The following SYTL5 variants were observed in gnomAD, a reference collection of about 807,000 sequenced individuals.
SYTL5 encodes the protein synaptotagmin-like protein 5.
In SYTL5, 34 loss-of-function variants were observed where a neutral mutation model predicts 55.9. The observed-to-expected ratio is 0.61, with a 90% CI of 0.46 to 0.81. The LOEUF is 0.81. SYTL5 is among the 30% of genes least tolerant of loss of function. The pLI is 0.00. For synonymous variants in SYTL5, 221 were observed against 188.7 expected, an observed-to-expected ratio of 1.17 and a Z score of -1.40; for missense variants, 637 against 546.7, an observed-to-expected ratio of 1.17 and a Z score of -1.65.
chrX:37,889,632 G>A, the SYTL5 span, among the ~76,000 whole-genome samples: 17 of 111,278 alleles, frequency 1.5e-4, no homozygotes, highest in East Asian at 3.1e-3. Flanking sequence ...ACATTGAAAA[G>A]CAAAGTAAAA....
chrX:37,926,118 T>C, the SYTL5 span, among the ~76,000 whole-genome samples: 1 of 111,935 alleles, frequency 8.9e-6, no homozygotes, highest in African/African-American at 3.2e-5. Flanking sequence ...TCTGGGTAGA[T>C]ACCCAGTAGT....
intron 1 of SYTL5, among the ~76,000 whole-genome samples, chrX:38,013,680 C>T (rs186726818): frequency 9.0e-6 from 1 of 111,473 alleles, no homozygotes; most frequent in African/African-American, 3.3e-5. Flanking sequence ...GTATTTTTTC[C>T]TGCTGCACCA....
the SYTL5 span, among the ~76,000 whole-genome samples, chrX:37,891,667 GTGTGTGTGTGTA>G: frequency 1.2e-3 from 129 of 110,964 alleles, no homozygotes; most frequent in African/African-American, 4.1e-3. Flanking sequence ...ACATACATAC[GTGTGTGTGTGTA>G]TGTGTGTATG....
chrX:38,073,366 C>G (rs926522040), intron 4 of SYTL5, among the ~76,000 whole-genome samples: 2 of 111,678 alleles, frequency 1.8e-5, no homozygotes, highest in Non-Finnish European at 3.8e-5. Flanking sequence ...CTCAGTAAAC[C>G]TCCCACAGAT....
At chrX:37,953,166 A>G in the SYTL5 span, among the ~76,000 whole-genome samples, 1 of 111,821 alleles carries the variant, frequency 8.9e-6, no homozygotes, top group Non-Finnish European at 1.9e-5. Context: ...AAGTGAAATT[A>G]TTTAGTATAA....
At chrX:37,913,076 C>T in the SYTL5 span, among the ~76,000 whole-genome samples, 1 of 111,723 alleles carries the variant, frequency 9.0e-6, no homozygotes, top group Non-Finnish European at 1.9e-5. Context: ...CCTTCTTCCT[C>T]CTGCTGTTAG....
chrX:37,907,864 ATTG>A, the SYTL5 span, among the ~76,000 whole-genome samples: 8 of 111,786 alleles, frequency 7.2e-5, no homozygotes, highest in African/African-American at 2.6e-4. Flanking sequence ...AAATCTATAT[ATTG>A]TTGTGAACTT....
chrX:38,098,443 T>C (rs1936993822), intron 9 of SYTL5, among the ~76,000 whole-genome samples: 1 of 111,150 alleles, frequency 9.0e-6, no homozygotes, highest in Non-Finnish European at 1.9e-5. Flanking sequence ...TGCATTAAAA[T>C]ATGTTCAGCA....
the SYTL5 span, among the ~76,000 whole-genome samples, chrX:37,930,390 A>C: frequency 8.9e-6 from 1 of 112,161 alleles, no homozygotes; most frequent in Non-Finnish European, 1.9e-5. Context: ...TACAACATCC[A>C]GAAGCTATCT....
chrX:38,118,920 A>AATATATATATATATATAT (rs61288420), intron 13 of SYTL5, among the ~76,000 whole-genome samples: 1 of 89,003 alleles, frequency 1.1e-5, no homozygotes, highest in African/African-American at 4.4e-5. Context: ...ATGCCCAGCT[A>AATATATATATATATATAT]ATATATATAT....
At chrX:38,027,778 C>A (rs187249020) in intron 1 of SYTL5, among the ~76,000 whole-genome samples, 1 of 110,226 alleles carries the variant, frequency 9.1e-6, no homozygotes, top group East Asian at 2.8e-4. Flanking sequence ...AAGCCAAGCC[C>A]AGCCATGGGT....
chrX:37,989,409 G>A, the SYTL5 span, among the ~76,000 whole-genome samples: 1 of 111,921 alleles, frequency 8.9e-6, no homozygotes, highest in Non-Finnish European at 1.9e-5. Flanking sequence ...TTTGACAGGA[G>A]GAAGCAGGCT....
chrX:37,926,170 G>A, the SYTL5 span, among the ~76,000 whole-genome samples: 1 of 111,600 alleles, frequency 9.0e-6, no homozygotes, highest in African/African-American at 3.3e-5. Context: ...TTTACTTTTA[G>A]TGCTTAGAGG....
intron 1 of SYTL5, among the ~76,000 whole-genome samples, chrX:38,013,402 T>C (rs887178146): frequency 2.7e-5 from 3 of 112,033 alleles, no homozygotes. Context: ...AATCTTTCAC[T>C]GCTTATACTG....
the SYTL5 span, among the ~76,000 whole-genome samples, chrX:37,926,355 T>C: frequency 9.0e-6 from 1 of 111,308 alleles, no homozygotes; most frequent in Non-Finnish European, 1.9e-5. Flanking sequence ...AAGTTCCTTA[T>C]GTATTCTAGT....
chrX:38,071,379 G>A (rs1936259139), intron 3 of SYTL5, among the ~76,000 whole-genome samples: 1 of 111,155 alleles, frequency 9.0e-6, no homozygotes, highest in East Asian at 2.8e-4. Context: ...CCAAATCCAG[G>A]CAAGCACTTC....
chrX:37,985,324 G>A, the SYTL5 span, among the ~76,000 whole-genome samples: 6 of 111,420 alleles, frequency 5.4e-5, no homozygotes, highest in Admixed American at 3.8e-4. Context: ...TCTGAGTTAC[G>A]AGCATAAATG....
chrX:38,117,000 G>T (rs747960032), intron 13 of SYTL5, among the ~76,000 whole-genome samples: 1 of 112,161 alleles, frequency 8.9e-6, no homozygotes, highest in Non-Finnish European at 1.9e-5. Context: ...TCTGTCTTTT[G>T]TGTCCCCACA....
chrX:38,020,995 T>C lies in SYTL5; in HGVS notation c.-356-12539T>C, dbSNP rs1934534822. Among the ~76,000 whole-genome samples the C allele has an allele frequency of 2.7e-5, 3 of 111,638 alleles. No individual in the cohort carries two copies. In the South Asian group the frequency reaches 1.1e-3, roughly 42 times the overall value. On this transcript the variant is annotated intron_variant, in intron 1 of 16. Transcript: ENST00000297875. ...AGTTTCCAAAGCCCATACCCTTTCC[T>C]CTACCCCACACTTTCTCCAACACCA... is the stretch of plus-strand genomic sequence containing the variant.
Sources: allele counts gnomAD v4.1 joint callset (sites outside exome capture counted in the v4.1 genomes callset), GRCh38; gene constraint gnomAD v4.1.1; transcripts MANE v1.5; gene names NCBI Gene and HGNC (gene_info 2026-07-23, HGNC 2026-07-21).